Variants in MBP observed in about 807,000 individuals in gnomAD.
MBP encodes myelin basic protein.
A neutral mutation model predicts 35.8 loss-of-function variants in MBP; 16 were observed. That is an observed-to-expected ratio of 0.45 (90% confidence interval 0.30 to 0.68). The LOEUF (loss-of-function observed/expected upper bound fraction) is 0.68, where lower values mean the gene tolerates loss of function less well. Among genes scored for constraint, MBP ranks in the 30% least tolerant of loss-of-function variants. The pLI, the probability that MBP is intolerant of heterozygous loss-of-function variation, is 0.08. For synonymous variants in MBP, 143 were observed against 159.6 expected (o/e 0.90, Z 0.78); for missense variants, 380 against 404.7 (o/e 0.94, Z 0.52).
chr18:76,988,830 G>C lies in MBP; in HGVS notation c.717+47C>G. 1 of 1,574,784 alleles carries C rather than the reference G, an allele frequency of 6.4e-7. No homozygotes were observed. Among genetic ancestry groups the C allele is most frequent in the Non-Finnish European group, 8.7e-7 (1 of 1,152,160 alleles). The stretch of plus-strand genomic sequence containing the variant: ...TGGTACATTATGGGATTTTAGAGAA[G>C]GTCTATCAGAAAAGTGATGATCAAT... On this transcript the variant is annotated intron_variant, in intron 6 of 8. Coordinates refer to ENST00000355994, the MANE Select transcript of MBP (RefSeq NM_001025101.2). The surrounding 1 kb of genome is among the most constrained non-coding windows in gnomAD (Gnocchi z 5.2).
chr18:77,086,323 A>C (rs1482902958), intron 2 of MBP, among the ~76,000 whole-genome samples: 1 of 152,242 alleles, frequency 6.6e-6, no homozygotes, highest in Non-Finnish European at 1.5e-5. Context: ...GAGTTCATGC[A>C]TACAAGTGCG....
chr18:77,033,059 C>A lies in MBP; in HGVS notation c.140-15791G>T, dbSNP rs928125590. On this transcript the variant is annotated intron_variant, in intron 3 of 8. Coordinates refer to ENST00000355994, the MANE Select transcript of MBP (RefSeq NM_001025101.2). ...CTCAGCTCACTGTAGCCTCCACCTC[C>A]CAGGTTCAAGTGATTCTCCTGCCTC... is the stretch of plus-strand genomic sequence containing the variant. Among the ~76,000 whole-genome samples, 3 of 152,234 alleles carry A rather than the reference C, an allele frequency of 2.0e-5. 1 individual carries two copies. The South Asian group carries it at 6.2e-4, about 32-fold the overall frequency.
intron 2 of MBP, among the ~76,000 whole-genome samples, chr18:77,103,915 G>A (rs80214540): frequency 0.056 from 8,507 of 152,342 alleles, 321 homozygotes; most frequent in Middle Eastern, 0.095. Context: ...CAAATAAGGC[G>A]GACAATGGCA....
intron 3 of MBP, among the ~76,000 whole-genome samples, chr18:77,064,374 C>T (rs1315161697): frequency 2.0e-5 from 3 of 152,144 alleles, no homozygotes; most frequent in South Asian, 2.1e-4. Context: ...TACCTGAAGG[C>T]GGTGAGTTAT....
At chr18:77,068,924 G>C in intron 2 of MBP, 1 of 457,430 alleles carries the variant, frequency 2.2e-6, no homozygotes, top group South Asian at 1.5e-5. Flanking sequence ...AGCAGCAGCC[G>C]CCACCACGGA....
intron 3 of MBP, among the ~76,000 whole-genome samples, chr18:77,055,632 C>T (rs1377803092): frequency 6.7e-6 from 1 of 149,130 alleles, no homozygotes; most frequent in Non-Finnish European, 1.5e-5. Flanking sequence ...CTAGTAATTG[C>T]TTTTCACATC....
At chr18:77,118,676 ACACACACCACACACACACTC>A (rs1976786524) in intron 1 of MBP, among the ~76,000 whole-genome samples, 1 of 145,380 alleles carries the variant, frequency 6.9e-6, no homozygotes, top group Non-Finnish European at 1.5e-5. Context: ...CATACCACAC[ACACACACCACACACACACTC>A]CACACACCCC....
At chr18:77,028,933 G>C (rs1397829385) in intron 3 of MBP, among the ~76,000 whole-genome samples, 1 of 90,752 alleles carries the variant, frequency 1.1e-5, no homozygotes, top group African/African-American at 3.7e-5. Flanking sequence ...TTTCCAGACT[G>C]GGCAGCCAGG....
intron 4 of MBP, chr18:76,990,965 T>G (rs1969873061): frequency 3.9e-6 from 1 of 254,438 alleles, no homozygotes; most frequent in African/African-American, 2.3e-5. Flanking sequence ...TCAAGGGGGA[T>G]TCCATCTGAG....
chr18:77,103,356 CT>C (rs1283936995), intron 2 of MBP, among the ~76,000 whole-genome samples: 1 of 152,216 alleles, frequency 6.6e-6, no homozygotes, highest in Non-Finnish European at 1.5e-5. Flanking sequence ...GGGGGTTCCC[CT>C]GACCCTCACC....
At chr18:77,129,704 T>G (rs1051700757) in intron 1 of MBP, among the ~76,000 whole-genome samples, 3 of 152,184 alleles carry the variant, frequency 2.0e-5, no homozygotes, top group Non-Finnish European at 4.4e-5. Context: ...AGTGTCTTAC[T>G]ACTTAATGGC....
intron 3 of MBP, among the ~76,000 whole-genome samples, chr18:77,023,247 A>G (rs1972062949): frequency 6.6e-6 from 1 of 152,164 alleles, no homozygotes; most frequent in African/African-American, 2.4e-5. Flanking sequence ...AGCGTTTACT[A>G]AATAAAGAAA....
At chr18:77,047,412 C>G (rs529298176) in intron 3 of MBP, among the ~76,000 whole-genome samples, 62 of 152,360 alleles carry the variant, frequency 4.1e-4, no homozygotes, top group African/African-American at 1.5e-3. Flanking sequence ...CAGGAAGAAT[C>G]CAGGACACGC....
intron 2 of MBP, among the ~76,000 whole-genome samples, chr18:77,092,417 C>T (rs922995503): frequency 1.3e-5 from 2 of 152,158 alleles, no homozygotes; most frequent in African/African-American, 4.8e-5. Context: ...AACTGATGCA[C>T]AGAATTCAGC....
intron 1 of MBP, chr18:77,114,289 G>A (rs1417230956): frequency 6.6e-6 from 1 of 152,208 alleles, no homozygotes; most frequent in Non-Finnish European, 1.5e-5. Context: ...TCTGACTGTG[G>A]TCCCTTGAAG....
intron 2 of MBP, among the ~76,000 whole-genome samples, chr18:77,104,062 G>A (rs1013608891): frequency 2.6e-5 from 4 of 152,240 alleles, no homozygotes; most frequent in African/African-American, 9.6e-5. Context: ...CTGTAGAGGA[G>A]CCGCCACTGG....
chr18:77,036,581 G>T (rs768399433), intron 3 of MBP, among the ~76,000 whole-genome samples: 8 of 112,550 alleles, frequency 7.1e-5, no homozygotes, highest in African/African-American at 3.3e-4. Context: ...CATTTTGGAG[G>T]ACTGAGCTGA....
At chr18:77,043,053 A>C (rs1009080667) in intron 3 of MBP, among the ~76,000 whole-genome samples, 1 of 152,236 alleles carries the variant, frequency 6.6e-6, no homozygotes, top group Non-Finnish European at 1.5e-5. Flanking sequence ...TTTAGAAAAG[A>C]ATGCATACTA....
chr18:77,029,793 A>AACACACAC (rs754016352), intron 3 of MBP, among the ~76,000 whole-genome samples: 7 of 150,532 alleles, frequency 4.7e-5, no homozygotes, highest in South Asian at 2.1e-4. Context: ...CACACACACA[A>AACACACAC]ACACACACAC....
Sources: gnomAD v4.1 joint callset for allele counts (sites outside exome capture counted in the v4.1 genomes callset) on GRCh38, gnomAD v4.1.1 for gene constraint, Gnocchi (gnomAD v3.1) non-coding constraint, MANE v1.5 for transcripts, NCBI Gene and HGNC (gene_info 2026-07-23, HGNC 2026-07-21) for gene names.